Variants in SRD5A2 observed in about 807,000 individuals in gnomAD.
SRD5A2 encodes the protein 3-oxo-5-alpha-steroid 4-dehydrogenase 2.
A neutral mutation model predicts 27.4 loss-of-function variants in SRD5A2; 30 were observed. The ratio of observed to expected loss-of-function variants is 1.10; its 90% CI spans 0.82 to 1.49. SRD5A2 has a LOEUF of 1.49. SRD5A2 is among the 40% of genes most tolerant of loss of function. The pLI, the probability that SRD5A2 is intolerant of heterozygous loss-of-function variation, is 0.00. For missense variants in SRD5A2, 348 were observed against 323.4 expected (o/e 1.08, Z -0.58); for synonymous variants, 141 against 133.6 (o/e 1.06, Z -0.38).
chr2:31,560,948 T>A (rs952852874), intron 1 of SRD5A2, among the ~76,000 whole-genome samples: 5 of 152,190 alleles, frequency 3.3e-5, no homozygotes, highest in African/African-American at 1.2e-4. Context: ...ATCTAGTTTT[T>A]TGGATGGGTG....
At position 31,556,180 on chromosome 2, in the gene SRD5A2, G is replaced by GT. The variant is rs1666490354; in HGVS notation, c.282-22415dup. On this transcript the variant is annotated intron_variant, in intron 1 of 4. Coordinates refer to ENST00000622030, the MANE Select transcript of SRD5A2 (RefSeq NM_000348.4). ...AAACATTGACAATAAATAGTCACTT[G>GT]TTTGTATATTTGGATGGTACCTGTT... Among the ~76,000 whole-genome samples the GT allele has an allele frequency of 2.0e-5, 3 of 152,280 alleles. No homozygotes were observed. In the South Asian group the frequency reaches 6.2e-4, roughly 32 times the overall value.
At chr2:31,604,210 A>C in the SRD5A2 span, among the ~76,000 whole-genome samples, 4 of 151,762 alleles carry the variant, frequency 2.6e-5, no homozygotes, top group African/African-American at 9.7e-5. Context: ...CTTTCCTCTA[A>C]GATCTGGAAC....
chr2:31,643,528 C>T, the SRD5A2 span, among the ~76,000 whole-genome samples: 2 of 151,934 alleles, frequency 1.3e-5, no homozygotes, highest in African/African-American at 2.4e-5. Context: ...ACCAATGACA[C>T]ATCAGGGCAA....
At chr2:31,551,757 A>C (rs539799111) in intron 1 of SRD5A2, among the ~76,000 whole-genome samples, 1 of 151,462 alleles carries the variant, frequency 6.6e-6, no homozygotes, top group African/African-American at 2.4e-5. Flanking sequence ...AAATAATTGG[A>C]AAAAAAAAGT....
At chr2:31,636,975 C>G in the SRD5A2 span, among the ~76,000 whole-genome samples, 2 of 151,930 alleles carry the variant, frequency 1.3e-5, no homozygotes, top group African/African-American at 4.8e-5. Flanking sequence ...ATCAGGATAA[C>G]TCCAGCCTCA....
At chr2:31,566,554 G>A (rs1666733024) in intron 1 of SRD5A2, among the ~76,000 whole-genome samples, 1 of 152,162 alleles carries the variant, frequency 6.6e-6, no homozygotes, top group Admixed American at 6.5e-5. Flanking sequence ...AAGGATAATA[G>A]TTTGGACTTT....
intron 1 of SRD5A2, among the ~76,000 whole-genome samples, chr2:31,579,330 G>A (rs1572659134): frequency 1.3e-5 from 2 of 152,290 alleles, no homozygotes; most frequent in East Asian, 1.9e-4. Context: ...CTCGAAATGA[G>A]GCATCACTTT....
At chr2:31,551,305 T>A (rs1209551051) in intron 1 of SRD5A2, among the ~76,000 whole-genome samples, 1 of 152,068 alleles carries the variant, frequency 6.6e-6, no homozygotes. Flanking sequence ...TTTTATTACA[T>A]CCCAGAAATT....
the SRD5A2 span, among the ~76,000 whole-genome samples, chr2:31,605,313 AG>A: frequency 4.6e-5 from 7 of 152,022 alleles, no homozygotes; most frequent in African/African-American, 1.7e-4. Flanking sequence ...CAAATTAAAA[AG>A]CATCTTCACA....
intron 1 of SRD5A2, among the ~76,000 whole-genome samples, chr2:31,543,142 G>A (rs960458288): frequency 1.3e-5 from 2 of 152,130 alleles, no homozygotes; most frequent in African/African-American, 4.8e-5. Context: ...AAGGCAGTGG[G>A]CTGATATTTT....
chr2:31,660,933 T>C, the SRD5A2 span, among the ~76,000 whole-genome samples: 2 of 152,096 alleles, frequency 1.3e-5, no homozygotes, highest in Non-Finnish European at 2.9e-5. Flanking sequence ...TCATGGTTCA[T>C]GGCCCCAAAA....
intron 1 of SRD5A2, among the ~76,000 whole-genome samples, chr2:31,543,503 C>A (rs932019761): frequency 3.3e-5 from 5 of 152,146 alleles, no homozygotes; most frequent in African/African-American, 1.2e-4. Flanking sequence ...GTTAATATCA[C>A]TGAAACTATG....
Position 31,561,748 on chromosome 2 carries a change from T to C in SRD5A2, c.281+18872A>G, listed in dbSNP as rs553794589. ...AGAATGATAGAAAGAATAATGATCA[T>C]TGGAGTGAAACCTCCCATAGGCATG... On this transcript the variant is annotated intron_variant, in intron 1 of 4. Coordinates refer to ENST00000622030, the MANE Select transcript of SRD5A2 (RefSeq NM_000348.4). Among the ~76,000 whole-genome samples, 17 of 152,260 alleles carry C rather than the reference T, an allele frequency of 1.1e-4. No homozygotes were observed. In the East Asian group the frequency reaches 3.3e-3, roughly 29 times the overall value.
At chr2:31,600,219 A>G in the SRD5A2 span, among the ~76,000 whole-genome samples, 5 of 151,924 alleles carry the variant, frequency 3.3e-5, no homozygotes, top group African/African-American at 1.2e-4. Flanking sequence ...ACATTTTTTT[A>G]TCCAGTCTGC....
At chr2:31,614,293 G>T in the SRD5A2 span, among the ~76,000 whole-genome samples, 1 of 152,184 alleles carries the variant, frequency 6.6e-6, no homozygotes, top group Non-Finnish European at 1.5e-5. Flanking sequence ...AAAACACAGG[G>T]ACTGCAGGTC....
the SRD5A2 span, among the ~76,000 whole-genome samples, chr2:31,619,685 A>G: frequency 6.6e-6 from 1 of 152,058 alleles, no homozygotes; most frequent in African/African-American, 2.4e-5. Context: ...CATTTCTCTA[A>G]TGATCAGTGA....
At position 31,525,118 on chromosome 2, in the gene SRD5A2, T is replaced by G. The variant is rs1665747477; in HGVS notation, c.*1078A>C. On this transcript the variant is annotated 3_prime_UTR_variant, in exon 5 of 5. Transcript: ENST00000622030. ...CCAGACGTGCCCCTCTGTCTGCAAT[T>G]TTCAGTCTCTGCCTGCAGGTCCTTT... 1 of 219,644 alleles carries G rather than the reference T, an allele frequency of 4.6e-6. No individual in the cohort carries two copies. Among genetic ancestry groups the G allele is most frequent in the African/African-American group, 2.2e-5 (1 of 44,570 alleles). The allele number at this position is 219,644 out of a possible 1,614,324, so 13.6% of individuals were successfully genotyped here.
chr2:31,602,530 C>T, the SRD5A2 span, among the ~76,000 whole-genome samples: 1 of 151,966 alleles, frequency 6.6e-6, no homozygotes, highest in East Asian at 1.9e-4. Context: ...CTACTATTGC[C>T]ATTCTTCACA....
chr2:31,607,936 T>C, the SRD5A2 span, among the ~76,000 whole-genome samples: 10 of 151,830 alleles, frequency 6.6e-5, no homozygotes, highest in Admixed American at 6.6e-4. Flanking sequence ...AAGAAGACAA[T>C]GATCTCTCTT....
Sources: gnomAD v4.1 joint callset for allele counts (sites outside exome capture counted in the v4.1 genomes callset) on GRCh38, gnomAD v4.1.1 for gene constraint, MANE v1.5 for transcripts, NCBI Gene and HGNC (gene_info 2026-07-23, HGNC 2026-07-21) for gene names.